Variants in PIK3R5 observed in about 807,000 individuals in gnomAD.
PIK3R5 encodes the protein phosphoinositide-3-kinase regulatory subunit 5, also known as phosphoinositide 3-kinase regulatory subunit 5.
In PIK3R5, 32 loss-of-function variants were observed where a neutral mutation model predicts 94.9. That is an observed-to-expected ratio of 0.34 (90% CI 0.25 to 0.45). PIK3R5 has a LOEUF of 0.45. Ranked by LOEUF, PIK3R5 falls within the 20% of genes least tolerant of loss-of-function variation. PIK3R5 has a pLI of 1.00. For synonymous variants in PIK3R5, 443 were observed against 479.4 expected, an observed-to-expected ratio of 0.92 and a Z score of 0.99; for missense variants, 853 against 1,144.6, an observed-to-expected ratio of 0.75 and a Z score of 3.68.
At chr17:8,940,247 C>T (rs1052691478) in intron 1 of PIK3R5, among the ~76,000 whole-genome samples, 2 of 152,226 alleles carry the variant, frequency 1.3e-5, no homozygotes, top group African/African-American at 4.8e-5. Flanking sequence ...CTGCCCTTCT[C>T]ACCTCACTGG....
At chr17:8,920,967 G>A (rs2090731737) in intron 1 of PIK3R5, among the ~76,000 whole-genome samples, 1 of 151,012 alleles carries the variant, frequency 6.6e-6, no homozygotes, top group African/African-American at 2.4e-5. Flanking sequence ...TCAGCCTCCT[G>A]AGTAGCTGGG....
At chr17:8,907,212 T>A (rs979481945) in intron 3 of PIK3R5, among the ~76,000 whole-genome samples, 2 of 151,472 alleles carry the variant, frequency 1.3e-5, no homozygotes, top group African/African-American at 2.4e-5. Flanking sequence ...TTTTTTTTTT[T>A]AGTAGAGATG....
rs201062997 is a variant in PIK3R5, at chr17:8,886,433, C to G, written c.2034+44G>C. On this transcript the variant is annotated intron_variant, in intron 13 of 18. Coordinates refer to ENST00000447110, the MANE Select transcript of PIK3R5 (RefSeq NM_001142633.3). ...CGGGGCAGGGGTGGGGCCTTGCAGG[C>G]CCGGCAGGTGGGGAAGAGGCGGTTC... The G allele has an allele frequency of 2.1e-5, 33 of 1,598,762 alleles. No individual in the cohort carries two copies. In the African/African-American group the frequency reaches 4.3e-4, roughly 21 times the overall value.
intron 1 of PIK3R5, among the ~76,000 whole-genome samples, chr17:8,930,673 G>C (rs559584259): frequency 6.7e-4 from 102 of 152,222 alleles, no homozygotes; most frequent in Admixed American, 2.9e-3. Context: ...TCTATACTAT[G>C]GAATATTATT....
At chr17:8,938,689 A>T (rs1224988931) in intron 1 of PIK3R5, among the ~76,000 whole-genome samples, 2 of 152,216 alleles carry the variant, frequency 1.3e-5, no homozygotes, top group Non-Finnish European at 2.9e-5. Flanking sequence ...AGGTTCATCC[A>T]TGTCGTAGTA....
chr17:8,899,817 C>T (rs563621698), intron 5 of PIK3R5, among the ~76,000 whole-genome samples: 2 of 152,208 alleles, frequency 1.3e-5, no homozygotes, highest in South Asian at 4.1e-4. Context: ...AGGTGGGCGG[C>T]TCACAAGGTT....
At chr17:8,887,067 C>A in intron 12 of PIK3R5, 29 bp downstream of exon 12, 4 of 1,612,868 alleles carry the variant, frequency 2.5e-6, no homozygotes, top group Non-Finnish European at 3.4e-6. Context: ...AGCCAGTGGA[C>A]CCTGTTCCGC....
At chr17:8,919,906 T>G (rs2151426900) in intron 1 of PIK3R5, among the ~76,000 whole-genome samples, 1 of 147,922 alleles carries the variant, frequency 6.8e-6, no homozygotes, top group African/African-American at 2.5e-5. Context: ...TTTTTTTTTT[T>G]TTGGACGGAG....
chr17:8,891,350 C>T (rs1259054088), intron 6 of PIK3R5, among the ~76,000 whole-genome samples: 1 of 152,034 alleles, frequency 6.6e-6, no homozygotes, highest in Non-Finnish European at 1.5e-5. Flanking sequence ...TGGTCTGGGG[C>T]GAGCGGGACA....
intron 2 of PIK3R5, among the ~76,000 whole-genome samples, chr17:8,910,896 A>G (rs2151414146): frequency 6.6e-6 from 1 of 152,182 alleles, no homozygotes; most frequent in African/African-American, 2.4e-5. Flanking sequence ...TCAGAGACGC[A>G]ACTGCCCGGG....
In PIK3R5 at chr17:8,964,014, G is replaced by A. The variant is rs368830107; in HGVS notation, c.-14+1582C>T. Among the ~76,000 whole-genome samples the A allele has an allele frequency of 9.4e-4, 143 of 152,186 alleles. 6 individuals carry two copies. In the Middle Eastern group the frequency reaches 0.034, roughly 36 times the overall value. On this transcript the variant is annotated intron_variant, in intron 1 of 18. Transcript: ENST00000447110. ...ACCCACACCACCACAGCCACAACGA[G>A]GAAACACGGAAGCCAGCGTTCTACA...
Position 8,886,563 on chromosome 17 carries a change from T to G in PIK3R5, c.1948A>C (p.Thr650Pro), listed in dbSNP as rs1461065471. The G allele has an allele frequency of 1.2e-6, 2 of 1,611,574 alleles. No individual in the cohort carries two copies. The highest frequency in any genetic ancestry group is 1.7e-6 in the Non-Finnish European group (2 of 1,178,850). The change falls in exon 13 of 19, where the codon ACC becomes CCC. Residue 650 changes from threonine (T) to proline (P), a missense_variant. Thr to Pro is a conservative substitution (Grantham distance 38). Around this residue, in one of 6 missense-constraint regions of PIK3R5, gnomAD observed 173 missense variants for 274.1 expected, o/e 0.63. Coordinates refer to ENST00000447110, the MANE Select transcript of PIK3R5 (RefSeq NM_001142633.3). ...ATGTCAGCCAGGATGGGCAGCTGGGTTGGGGAGCCCTCCAGGGCCTGGGCT... is the reference window on the plus strand; with the variant it reads ...ATGTCAGCCAGGATGGGCAGCTGGGGTGGGGAGCCCTCCAGGGCCTGGGCT... ...AEAQALEGSPTQLPILADMLL... is the reference protein window; with the variant it reads ...AEAQALEGSPPQLPILADMLL...
chr17:8,878,951 T>C lies in PIK3R5; in HGVS notation c.*1688A>G, dbSNP rs2089593377. ...ATCAAGTTTTATTTGACAATAATATTAAATTCCACTCATTAGTTCCTGGAC... is the reference window on the plus strand; with the variant it reads ...ATCAAGTTTTATTTGACAATAATATCAAATTCCACTCATTAGTTCCTGGAC... On this transcript the variant is annotated 3_prime_UTR_variant, in exon 19 of 19. Transcript: ENST00000447110. 6.6e-6 allele frequency: 1 copy of C among 152,152 alleles called. No homozygotes were observed. Among genetic ancestry groups the C allele is most frequent in the Non-Finnish European group, 1.5e-5 (1 of 68,034 alleles). 9.4% of individuals were successfully genotyped at this position (152,152 alleles called of 1,614,324 possible). A position where few individuals can be genotyped will look rare whatever the true frequency, so the allele number is the denominator to read the frequency against.
In PIK3R5 at chr17:8,920,475, T is replaced by C. The variant is rs572925824; in HGVS notation, c.-13-8968A>G. Among the ~76,000 whole-genome samples, 5 of 152,326 alleles carry C rather than the reference T, an allele frequency of 3.3e-5. No individual in the cohort carries two copies. In the East Asian group the frequency reaches 7.7e-4, roughly 24 times the overall value. ...CGGCAGTAAATCTGTAAGTAGAATC[T>C]GAGCCTGGAACGAAGGATAATCATG... On this transcript the variant is annotated intron_variant, in intron 1 of 18. Transcript: ENST00000447110.
chr17:8,935,869 G>A lies in PIK3R5; in HGVS notation c.-13-24362C>T, dbSNP rs1416834502. On this transcript the variant is annotated intron_variant, in intron 1 of 18. Transcript: ENST00000447110. The surrounding 1 kb of genome is among the most constrained non-coding windows in gnomAD (Gnocchi z 4.5). ...GGAGATCGAGACTATACTGGCTAAC[G>A]CAGTGAAACCCGATCTCTACTAAAA... 1.3e-5 allele frequency among the ~76,000 whole-genome samples: 2 copies of A among 151,924 alleles called. No homozygotes were observed. The highest frequency in any genetic ancestry group is 6.6e-5 in the Admixed American group (1 of 15,256).
chr17:8,964,253 G>A (rs2091622104), intron 1 of PIK3R5, among the ~76,000 whole-genome samples: 1 of 152,010 alleles, frequency 6.6e-6, no homozygotes, highest in Non-Finnish European at 1.5e-5. Context: ...TTAGCTGGGC[G>A]CCGTGGTGCT....
chr17:8,907,198 A>AT (rs112369294), intron 3 of PIK3R5, among the ~76,000 whole-genome samples: 19,719 of 140,190 alleles, frequency 0.14, 1,397 homozygotes, highest in South Asian at 0.23. Flanking sequence ...TAATTTTTGT[A>AT]TTTTTTTTTT....
In PIK3R5 at chr17:8,911,600, C is replaced by G; in HGVS notation, c.-13-93G>C. The G allele has an allele frequency of 1.3e-6, 1 of 787,206 alleles. No individual in the cohort carries two copies. Among genetic ancestry groups the G allele is most frequent in the Admixed American group, 2.2e-5 (1 of 44,624 alleles). 48.8% of individuals were successfully genotyped at this position (787,206 alleles called of 1,614,324 possible). On this transcript the variant is annotated intron_variant, in intron 1 of 18. Coordinates refer to ENST00000447110, the MANE Select transcript of PIK3R5 (RefSeq NM_001142633.3). This position sits in a 1 kb window ranked among gnomAD's most constrained non-coding sequence, Gnocchi z 5.3. ...GACAACAGGTGCTCACAGTGCAGCGCGATCAGCCCAGCCCAGCTATAGCTC... is the reference window on the plus strand; with the variant it reads ...GACAACAGGTGCTCACAGTGCAGCGGGATCAGCCCAGCCCAGCTATAGCTC...
rs978573332 is a variant in PIK3R5, at chr17:8,879,070, C to T, written c.*1569G>A. 1 of 152,174 alleles carries T rather than the reference C, an allele frequency of 6.6e-6. No homozygotes were observed. Among genetic ancestry groups the T allele is most frequent in the African/African-American group, 2.4e-5 (1 of 41,430 alleles). The allele number at this position is 152,174 out of a possible 1,614,324, so 9.4% of individuals were successfully genotyped here. A position where few individuals can be genotyped will look rare whatever the true frequency, so the allele number is the denominator to read the frequency against. On this transcript the variant is annotated 3_prime_UTR_variant, in exon 19 of 19. Transcript: ENST00000447110. This position sits in a 1 kb window ranked among gnomAD's most constrained non-coding sequence, Gnocchi z 4.4. The stretch of plus-strand genomic sequence containing the variant: ...ACTCTTCTGGAGCTTAGAGCAAGAG[C>T]AGACATTAAGACAGGGGAGAGACGG...
Sources: gnomAD v4.1 joint callset for allele counts (sites outside exome capture counted in the v4.1 genomes callset) on GRCh38, gnomAD v4.1.1 for gene constraint, gnomAD v4.1.1 regional missense constraint, Gnocchi (gnomAD v3.1) non-coding constraint, MANE v1.5 for transcripts, NCBI Gene and HGNC (gene_info 2026-07-23, HGNC 2026-07-21) for gene names.